MBD5: variants seen among roughly 807,000 people sequenced by gnomAD.
MBD5 encodes methyl-CpG binding domain protein 5, also known as methyl-CpG-binding domain protein 5.
Under a neutral mutation model 117.3 loss-of-function variants are expected in MBD5, and 13 were observed. That is an observed-to-expected ratio of 0.11 (90% CI 0.07 to 0.18). MBD5 has a LOEUF of 0.18. MBD5 is among the 10% of genes least tolerant of loss of function. The pLI, the probability that MBD5 is intolerant of heterozygous loss-of-function variation, is 1.00. For missense variants in MBD5, 1,879 were observed against 2,093.8 expected, an observed-to-expected ratio of 0.90 and a Z score of 2.00; for synonymous variants, 727 against 766.4, an observed-to-expected ratio of 0.95 and a Z score of 0.85.
At chr2:148,461,196 G>A (rs1320566128) in intron 5 of MBD5, among the ~76,000 whole-genome samples, 1 of 152,196 alleles carries the variant, frequency 6.6e-6, no homozygotes, top group Non-Finnish European at 1.5e-5. Context: ...GCCTCCCAAA[G>A]TGCTGGGTTT....
intron 3 of MBD5, among the ~76,000 whole-genome samples, chr2:148,274,531 T>A (rs1574225955): frequency 6.6e-6 from 1 of 152,306 alleles, no homozygotes; most frequent in South Asian, 2.1e-4. Flanking sequence ...CTGATTTTGT[T>A]GCTAATACTC....
intron 4 of MBD5, among the ~76,000 whole-genome samples, chr2:148,423,537 G>A (rs1167433569): frequency 6.6e-6 from 1 of 152,040 alleles, no homozygotes; most frequent in Non-Finnish European, 1.5e-5. Context: ...CCTTACAAGA[G>A]CTCCTGAAGG....
chr2:148,234,969 C>T (rs1436529035), intron 3 of MBD5, among the ~76,000 whole-genome samples: 1 of 152,062 alleles, frequency 6.6e-6, no homozygotes, highest in Non-Finnish European at 1.5e-5. Context: ...AAGTAGTCTA[C>T]GTTTCTCCCT....
chr2:148,250,028 T>G (rs1265085827), intron 3 of MBD5, among the ~76,000 whole-genome samples: 1 of 152,206 alleles, frequency 6.6e-6, no homozygotes, highest in Non-Finnish European at 1.5e-5. Flanking sequence ...TGTTTTTGGC[T>G]CTACCTCTCA....
chr2:148,028,155 A>G (rs1693949799), intron 1 of MBD5: 2 of 152,086 alleles, frequency 1.3e-5, no homozygotes, highest in Admixed American at 6.6e-5. Flanking sequence ...TGACCTATAT[A>G]ACCTTTTATT....
chr2:148,052,402 G>T (rs1320923041), intron 1 of MBD5, among the ~76,000 whole-genome samples: 1 of 151,810 alleles, frequency 6.6e-6, no homozygotes, highest in Non-Finnish European at 1.5e-5. Flanking sequence ...TAGAGATGGG[G>T]TTTCTCTGTG....
chr2:148,441,524 G>A (rs1255427953), intron 4 of MBD5, among the ~76,000 whole-genome samples: 4 of 152,172 alleles, frequency 2.6e-5, no homozygotes, highest in Non-Finnish European at 5.9e-5. Context: ...ATTTGGGTTT[G>A]TTCCAAGTCT....
At chr2:148,367,698 A>G (rs1703742015) in intron 4 of MBD5, among the ~76,000 whole-genome samples, 1 of 152,230 alleles carries the variant, frequency 6.6e-6, no homozygotes, top group Non-Finnish European at 1.5e-5. Flanking sequence ...AAAAGAAGAC[A>G]TTTATGCAGC....
At chr2:148,264,899 G>A (rs1700819908) in intron 3 of MBD5, 1 of 152,146 alleles carries the variant, frequency 6.6e-6, no homozygotes, top group African/African-American at 2.4e-5. Flanking sequence ...CTGGGTGGGA[G>A]CATTAGTTTG....
chr2:148,253,501 G>A (rs779611891), intron 3 of MBD5, among the ~76,000 whole-genome samples: 6 of 152,238 alleles, frequency 3.9e-5, no homozygotes, highest in African/African-American at 1.2e-4. Context: ...CTGCAGGTTC[G>A]GTTTCAGACC....
At chr2:148,424,228 G>A (rs1336414906) in intron 4 of MBD5, among the ~76,000 whole-genome samples, 7 of 128,186 alleles carry the variant, frequency 5.5e-5, no homozygotes, top group Admixed American at 8.4e-5. Context: ...AGCAGAGGTC[G>A]TAATCCTAGT....
At chr2:148,311,305 A>T (rs184116626) in intron 3 of MBD5, among the ~76,000 whole-genome samples, 4 of 152,272 alleles carry the variant, frequency 2.6e-5, no homozygotes, top group African/African-American at 9.6e-5. Flanking sequence ...GTCTCTAAGA[A>T]CTTGCATTAT....
At position 148,411,512 on chromosome 2, in the gene MBD5, CTTT is replaced by C. The variant is rs1188326755; in HGVS notation, c.-556-46671_-556-46669del. Among the ~76,000 whole-genome samples the C allele has an allele frequency of 8.6e-3, 840 of 97,472 alleles. 2 individuals are homozygous for C. The highest frequency in any genetic ancestry group is 0.032 in the African/African-American group (795 of 24,778). The allele number at this position is 97,472 out of a possible 152,430, so 63.9% of individuals were successfully genotyped here. On this transcript the variant is annotated intron_variant, in intron 4 of 13. Coordinates refer to ENST00000642680, the MANE Select transcript of MBD5 (RefSeq NM_001378120.1). ...CTCCGGGAACTTACCAGCATCTGTT[CTTT>C]TTTTTTTTTTTTTTTTTTTGTAGTA...
chr2:148,045,566 T>C (rs1351318776), intron 1 of MBD5, among the ~76,000 whole-genome samples: 1 of 152,198 alleles, frequency 6.6e-6, no homozygotes, highest in African/African-American at 2.4e-5. Context: ...TTTATGCCTT[T>C]CTATAGATTT....
intron 3 of MBD5, among the ~76,000 whole-genome samples, chr2:148,233,731 T>C (rs529819421): frequency 3.4e-4 from 52 of 152,252 alleles, no homozygotes; most frequent in African/African-American, 1.3e-3. Flanking sequence ...TATATAACTG[T>C]AAATACTAAA....
rs542603155 is a variant in MBD5 at position 148,378,105 on chromosome 2, A to C, written c.-557+35769A>C. Among the ~76,000 whole-genome samples the C allele has an allele frequency of 2.2e-4, 34 of 152,322 alleles. No homozygotes were observed. The South Asian group carries it at 3.7e-3, about 17-fold the overall frequency. The stretch of plus-strand genomic sequence containing the variant: ...TCAGAGTATATGCAGGGAACTGTAG[A>C]TAAGCCATATGAATTGCCTTTTTCT... On this transcript the variant is annotated intron_variant, in intron 4 of 13. Transcript: ENST00000642680.
intron 3 of MBD5, among the ~76,000 whole-genome samples, chr2:148,308,056 G>A (rs1701936364): frequency 6.6e-6 from 1 of 152,128 alleles, no homozygotes; most frequent in South Asian, 2.1e-4. Context: ...GGGCATTTGG[G>A]TTGGTTCCAA....
intron 4 of MBD5, among the ~76,000 whole-genome samples, chr2:148,446,602 C>CTGTGTGTG (rs1185100489): frequency 0.047 from 7,037 of 148,754 alleles, 259 homozygotes; most frequent in African/African-American, 0.11. Context: ...GATTATTTAT[C>CTGTGTGTG]TGTGTGTGTG....
intron 2 of MBD5, among the ~76,000 whole-genome samples, chr2:148,209,794 G>A: frequency 6.6e-6 from 1 of 152,000 alleles, no homozygotes. Context: ...AGGGGCGGGG[G>A]GAGGTGCTAC....
Sources: allele counts gnomAD v4.1 joint callset (sites outside exome capture counted in the v4.1 genomes callset), GRCh38; gene constraint gnomAD v4.1.1; transcripts MANE v1.5; gene names NCBI Gene and HGNC (gene_info 2026-07-23, HGNC 2026-07-21).